MERTK: variants seen among roughly 807,000 people sequenced by gnomAD.
The protein encoded by MERTK is tyrosine-protein kinase Mer.
In MERTK, 69 loss-of-function variants were observed where a neutral mutation model predicts 99.3. That is an observed-to-expected ratio of 0.70 (90% CI 0.57 to 0.85). MERTK has a LOEUF of 0.85. MERTK is among the 40% of genes least tolerant of loss of function. The probability of loss-of-function intolerance (pLI) is 0.00; values close to 1 mark genes in which losing one functional copy is unlikely to be tolerated. For synonymous variants in MERTK, 426 were observed against 467.6 expected, an observed-to-expected ratio of 0.91 and a Z score of 1.15; for missense variants, 1,125 against 1,249.4, an observed-to-expected ratio of 0.90 and a Z score of 1.50.
rs760889132 is a variant in MERTK at position 112,022,313 on chromosome 2, C to A, written c.2405C>A (p.Pro802His). 2 of 1,614,188 alleles carry A rather than the reference C, an allele frequency of 1.2e-6. No homozygotes were observed. Among genetic ancestry groups the A allele is most frequent in the East Asian group, 4.5e-5 (2 of 44,886 alleles). ...EIATRGMTPYPGVQNHEMYDY... is the reference protein window; with the variant it reads ...EIATRGMTPYHGVQNHEMYDY... The stretch of plus-strand genomic sequence containing the variant: ...GCTACGCGGGGAATGACTCCCTATC[C>A]TGGGGTCCAGAACCATGAGATGTAT... The change falls in exon 18 of 19, where the codon CCT (proline) becomes CAT (histidine). Residue 802 changes from proline (P) to histidine (H), a missense_variant. Pro to His is a moderately conservative substitution (Grantham distance 77, BLOSUM62 -2). Coordinates refer to ENST00000295408, the MANE Select transcript of MERTK (RefSeq NM_006343.3).
In MERTK at chr2:111,975,461, C is replaced by T. The variant is rs745461381; in HGVS notation, c.1133C>T (p.Thr378Met). 9.9e-6 allele frequency: 16 copies of T among 1,614,096 alleles called. No homozygotes were observed. The highest frequency in any genetic ancestry group is 1.6e-4 in the Middle Eastern group (1 of 6,062). The change falls in exon 7 of 19, where the codon ACG becomes ATG. Residue 378 changes from threonine to methionine, a missense_variant. Transcript: ENST00000295408. ...SAVSPWILASTTEGAPSVAPL... is the reference protein window; with the variant it reads ...SAVSPWILASMTEGAPSVAPL... ...GTGAGCCCTTGGATTCTAGCCAGCA[C>T]GACTGAAGGAGGTAATTCCTGGGGT...
At chr2:111,943,306 T>G (rs2104700682) in intron 2 of MERTK, among the ~76,000 whole-genome samples, 1 of 152,352 alleles carries the variant, frequency 6.6e-6, no homozygotes. Flanking sequence ...GGTCATGGTC[T>G]TCTTTGCTGT....
chr2:111,903,323 G>A (rs541487753), intron 1 of MERTK, among the ~76,000 whole-genome samples: 48 of 152,230 alleles, frequency 3.2e-4, no homozygotes, highest in African/African-American at 8.9e-4. Flanking sequence ...CCTCACATTC[G>A]GGGCTTGGTT....
intron 8 of MERTK, among the ~76,000 whole-genome samples, chr2:111,990,027 C>G (rs1008195024): frequency 1.3e-5 from 2 of 152,120 alleles, no homozygotes; most frequent in African/African-American, 4.8e-5. Flanking sequence ...AGAAATGTCC[C>G]CAACTTATGT....
intron 1 of MERTK, 39 bp downstream of exon 1, chr2:111,898,835 G>A (rs1683976634): frequency 1.3e-6 from 2 of 1,559,006 alleles, no homozygotes; most frequent in South Asian, 1.2e-5. Context: ...AGGGGGTGGG[G>A]GCTCCCAGGA....
rs2104401880 is a variant in MERTK, at chr2:111,997,345, T to A, written c.1473T>A (p.Ser491=). 1 of 1,614,194 alleles carries A rather than the reference T, an allele frequency of 6.2e-7. No homozygotes were observed. The highest frequency in any genetic ancestry group is 1.3e-5 in the African/African-American group (1 of 75,064). The stretch of plus-strand genomic sequence containing the variant: ...CAGGTTGGGTAGATTATGCCCCCTC[T>A]TCAACTCCGGCGCCTGGCAACGCAG... ...PAHGWVDYAP[S]STPAPGNADP... is the part of the protein sequence containing the mutation. The change falls in exon 10 of 19, where the codon TCT becomes TCA. Residue 491 remains serine (S), a synonymous_variant. Transcript: ENST00000295408.
intron 8 of MERTK, among the ~76,000 whole-genome samples, chr2:111,990,526 C>T (rs1012202689): frequency 7.2e-5 from 11 of 152,174 alleles, no homozygotes; most frequent in African/African-American, 2.7e-4. Context: ...CATTTGTTAA[C>T]TCACTTAGGA....
chr2:112,027,310 G>A (rs4848256), intron 18 of MERTK, among the ~76,000 whole-genome samples: 90,716 of 150,108 alleles, frequency 0.6, 27,658 homozygotes, highest in Middle Eastern at 0.69. Context: ...GTGTGTGTGT[G>A]TATATATATA....
At chr2:111,992,750 C>CAAA (rs35097651) in intron 8 of MERTK, among the ~76,000 whole-genome samples, 1 of 104,650 alleles carries the variant, frequency 9.6e-6, no homozygotes, top group Non-Finnish European at 2.0e-5. Context: ...GACTCCGTCT[C>CAAA]AAAAAAAAAA....
intron 12 of MERTK, 50 bp downstream of exon 12, chr2:112,003,237 G>C (rs747365023): frequency 3.5e-6 from 3 of 864,974 alleles, no homozygotes; most frequent in Admixed American, 1.7e-5. Context: ...GAAGGTAGCA[G>C]TTTAGAATAA....
intron 2 of MERTK, among the ~76,000 whole-genome samples, chr2:111,932,470 C>T (rs1346618215): frequency 1.3e-5 from 2 of 152,152 alleles, no homozygotes; most frequent in East Asian, 1.9e-4. Flanking sequence ...CGTGAGCCAC[C>T]GTGCCTGGCC....
chr2:111,983,791 C>A (rs893928740), intron 8 of MERTK, among the ~76,000 whole-genome samples: 1 of 152,192 alleles, frequency 6.6e-6, no homozygotes, highest in Non-Finnish European at 1.5e-5. Context: ...TCACTGCCCA[C>A]GTGACTAGCC....
chr2:111,976,849 G>A (rs1415123101), intron 7 of MERTK, among the ~76,000 whole-genome samples: 1 of 149,992 alleles, frequency 6.7e-6, no homozygotes, highest in Non-Finnish European at 1.5e-5. Flanking sequence ...CTCTTTTTCT[G>A]TTCTTTTAGT....
intron 4 of MERTK, among the ~76,000 whole-genome samples, chr2:111,950,150 G>A (rs1044340440): frequency 3.3e-5 from 5 of 152,210 alleles, no homozygotes; most frequent in Non-Finnish European, 4.4e-5. Context: ...TGGTCAGGCT[G>A]GTCTCGAATT....
chr2:111,979,071 C>T (rs780796901), intron 7 of MERTK, among the ~76,000 whole-genome samples: 4 of 152,242 alleles, frequency 2.6e-5, no homozygotes, highest in Admixed American at 6.5e-5. Flanking sequence ...TTAACTGTTT[C>T]GTGTGGTTCT....
intron 8 of MERTK, among the ~76,000 whole-genome samples, chr2:111,991,545 A>G (rs1262257986): frequency 2.6e-5 from 4 of 152,080 alleles, no homozygotes; most frequent in Non-Finnish European, 4.4e-5. Flanking sequence ...ATTTCTGAAA[A>G]AGGTATCACC....
intron 1 of MERTK, among the ~76,000 whole-genome samples, chr2:111,913,647 G>A (rs1463052136): frequency 1.3e-5 from 2 of 152,096 alleles, no homozygotes; most frequent in Non-Finnish European, 2.9e-5. Flanking sequence ...GGGCTCAAGC[G>A]ATTCTTGTGC....
At chr2:111,899,331 A>C (rs2311812) in intron 1 of MERTK, among the ~76,000 whole-genome samples, 2 of 151,852 alleles carry the variant, frequency 1.3e-5, no homozygotes, top group Admixed American at 1.3e-4. Flanking sequence ...GCGACGGGCC[A>C]GGGGGGGACG....
At chr2:111,973,248 G>A (rs1490164038) in intron 6 of MERTK, among the ~76,000 whole-genome samples, 2 of 152,074 alleles carry the variant, frequency 1.3e-5, no homozygotes, top group East Asian at 3.8e-4. Context: ...AGTGGGGCGG[G>A]GAGGAGAGCC....
Sources: gnomAD v4.1 joint callset for allele counts (sites outside exome capture counted in the v4.1 genomes callset) on GRCh38, gnomAD v4.1.1 for gene constraint, MANE v1.5 for transcripts, NCBI Gene and HGNC (gene_info 2026-07-23, HGNC 2026-07-21) for gene names.